The following SFMBT2 variants were observed in gnomAD, a reference collection of about 807,000 sequenced individuals.
SFMBT2 encodes scm-like with four MBT domains protein 2.
SFMBT2 carries 38 observed loss-of-function variants against 110.1 expected under a neutral mutation model. The observed-to-expected ratio is 0.35, with a 90% CI of 0.27 to 0.45. SFMBT2 has a LOEUF of 0.45. Ranked by LOEUF, SFMBT2 falls within the 20% of genes least tolerant of loss-of-function variation. SFMBT2 has a pLI of 1.00. For synonymous variants in SFMBT2, 425 were observed against 425.4 expected (o/e 1.00, Z 0.01); for missense variants, 1,011 against 1,094.9 (o/e 0.92, Z 1.08).
intron 16 of SFMBT2, among the ~76,000 whole-genome samples, chr10:7,184,931 G>A (rs1025549904): frequency 5.3e-5 from 8 of 152,136 alleles, no homozygotes; most frequent in Admixed American, 6.5e-5. Context: ...TACGGTTCTC[G>A]CTTCCTTCAG....
chr10:7,188,572 G>T, intron 16 of SFMBT2, 52 bp downstream of exon 16: 2 of 1,409,084 alleles, frequency 1.4e-6, no homozygotes, highest in Non-Finnish European at 1.0e-6. Flanking sequence ...GTTCAAAGTA[G>T]CATGGGGAAG....
chr10:7,254,550 G>A (rs1047674955), intron 7 of SFMBT2, among the ~76,000 whole-genome samples: 2 of 152,112 alleles, frequency 1.3e-5, no homozygotes, highest in Non-Finnish European at 1.5e-5. Context: ...GGCCAGGCGC[G>A]GTGGCTCACA....
At chr10:7,287,636 C>T (rs924185626) in intron 4 of SFMBT2, among the ~76,000 whole-genome samples, 2 of 152,220 alleles carry the variant, frequency 1.3e-5, no homozygotes, top group African/African-American at 2.4e-5. Context: ...CAGCCCTCCA[C>T]GTGGGCAGCC....
intron 4 of SFMBT2, among the ~76,000 whole-genome samples, chr10:7,337,617 A>C (rs1303453856): frequency 6.6e-6 from 1 of 152,110 alleles, no homozygotes; most frequent in Non-Finnish European, 1.5e-5. Flanking sequence ...AAGTTTCCTG[A>C]GTCCTCCCAA....
chr10:7,309,544 G>A (rs529579875), intron 4 of SFMBT2, among the ~76,000 whole-genome samples: 1 of 152,318 alleles, frequency 6.6e-6, no homozygotes, highest in Admixed American at 6.5e-5. Flanking sequence ...GAACGGGGGT[G>A]TATAGGAAAA....
intron 12 of SFMBT2, chr10:7,205,499 A>G (rs890266948): frequency 1.2e-4 from 121 of 979,984 alleles, no homozygotes; most frequent in Non-Finnish European, 1.3e-4. Context: ...GTAACACAAT[A>G]ATATAGTATC....
chr10:7,272,082 C>A (rs1841603193), intron 7 of SFMBT2, among the ~76,000 whole-genome samples: 1 of 152,130 alleles, frequency 6.6e-6, no homozygotes, highest in Non-Finnish European at 1.5e-5. Flanking sequence ...GGAGACACTG[C>A]ACAGGGGAGC....
intron 7 of SFMBT2, among the ~76,000 whole-genome samples, chr10:7,257,399 G>A (rs1050792599): frequency 6.6e-6 from 1 of 152,192 alleles, no homozygotes; most frequent in Non-Finnish European, 1.5e-5. Context: ...GAAAGGGACA[G>A]CACCTGATTC....
intron 9 of SFMBT2, among the ~76,000 whole-genome samples, chr10:7,236,160 G>A (rs1044566921): frequency 2.0e-5 from 3 of 152,042 alleles, no homozygotes; most frequent in Admixed American, 1.3e-4. Context: ...CAAGCAGAAG[G>A]ATAAGGTACC....
intron 4 of SFMBT2, among the ~76,000 whole-genome samples, chr10:7,342,955 T>C (rs1384518153): frequency 6.6e-6 from 1 of 152,152 alleles, no homozygotes. Context: ...GGTGTCAGAG[T>C]AATTTGATGT....
chr10:7,320,094 CAGAG>C (rs944432126), intron 4 of SFMBT2, among the ~76,000 whole-genome samples: 1 of 151,152 alleles, frequency 6.6e-6, no homozygotes, highest in African/African-American at 2.4e-5. Flanking sequence ...GAGACAGAGA[CAGAG>C]AGAGAGAGAC....
intron 11 of SFMBT2, among the ~76,000 whole-genome samples, chr10:7,217,636 G>A (rs1452242278): frequency 2.0e-5 from 3 of 152,284 alleles, no homozygotes; most frequent in South Asian, 2.1e-4. Context: ...CAATGTATTT[G>A]TCCCATAAAA....
chr10:7,176,883 AG>A (rs1257173456), intron 16 of SFMBT2, among the ~76,000 whole-genome samples: 1 of 152,162 alleles, frequency 6.6e-6, no homozygotes, highest in Non-Finnish European at 1.5e-5. Context: ...CAGAATCGTA[AG>A]GGGTCTCCGG....
At chr10:7,385,438 G>A (rs903764146) in intron 1 of SFMBT2, among the ~76,000 whole-genome samples, 42 of 152,184 alleles carry the variant, frequency 2.8e-4, no homozygotes, top group Non-Finnish European at 5.0e-4. Flanking sequence ...GAGGGGAGAA[G>A]GGTGTGCAAC....
At chr10:7,260,714 C>T (rs74789705) in intron 7 of SFMBT2, among the ~76,000 whole-genome samples, 9,592 of 152,180 alleles carry the variant, frequency 0.063, 404 homozygotes, top group Admixed American at 0.089. Context: ...CCAGTGCAGA[C>T]AGTTATTTGG....
chr10:7,228,738 TTCTCTCTC>T (rs56871421), intron 9 of SFMBT2, among the ~76,000 whole-genome samples: 894 of 62,420 alleles, frequency 0.014, 17 homozygotes, highest in East Asian at 0.022. Flanking sequence ...TTTCTTTCCT[TTCTCTCTC>T]TCTCTCTCTC....
intron 7 of SFMBT2, among the ~76,000 whole-genome samples, chr10:7,276,287 A>C (rs972431194): frequency 1.3e-5 from 2 of 152,220 alleles, no homozygotes; most frequent in Non-Finnish European, 2.9e-5. Flanking sequence ...AAATGTCAAA[A>C]TTAGACTTGC....
At chr10:7,388,976 T>A (rs754500663) in intron 1 of SFMBT2, among the ~76,000 whole-genome samples, 15 of 151,872 alleles carry the variant, frequency 9.9e-5, no homozygotes, top group African/African-American at 3.6e-4. Flanking sequence ...ACTAAGACAG[T>A]GGAGAAGAAA....
intron 4 of SFMBT2, among the ~76,000 whole-genome samples, chr10:7,354,708 T>C (rs1446980686): frequency 6.6e-6 from 1 of 152,240 alleles, no homozygotes; most frequent in Non-Finnish European, 1.5e-5. Context: ...ACGTAGCACA[T>C]GTTTAAGATT....
Sources: allele counts gnomAD v4.1 joint callset (sites outside exome capture counted in the v4.1 genomes callset), GRCh38; gene constraint gnomAD v4.1.1; transcripts MANE v1.5; gene names NCBI Gene and HGNC (gene_info 2026-07-23, HGNC 2026-07-21).